The following SEC22C variants were observed in gnomAD, a reference collection of about 807,000 sequenced individuals.
SEC22C encodes vesicle-trafficking protein SEC22c.
Under a neutral mutation model 34.7 loss-of-function variants are expected in SEC22C, and 29 were observed. The observed-to-expected ratio is 0.84, with a 90% confidence interval of 0.62 to 1.14. The LOEUF is 1.14. SEC22C is among the 50% of genes most tolerant of loss of function. The pLI, the probability that SEC22C is intolerant of heterozygous loss-of-function variation, is 0.00. For synonymous variants in SEC22C, 117 were observed against 132.8 expected (o/e 0.88, Z 0.82); for missense variants, 337 against 369.0 (o/e 0.91, Z 0.71).
intron 1 of SEC22C, among the ~76,000 whole-genome samples, chr3:42,576,878 T>G (rs567774386): frequency 2.0e-5 from 3 of 152,152 alleles, no homozygotes; most frequent in African/African-American, 7.2e-5. Flanking sequence ...ACTTCAAGAC[T>G]TATTATATAG....
At chr3:42,557,900 T>C (rs1020577168) in intron 4 of SEC22C, among the ~76,000 whole-genome samples, 2 of 152,194 alleles carry the variant, frequency 1.3e-5, no homozygotes, top group Non-Finnish European at 2.9e-5. Flanking sequence ...GGTATTTGAG[T>C]AAAGTTTCTT....
At chr3:42,574,408 C>T (rs891376181) in intron 1 of SEC22C, among the ~76,000 whole-genome samples, 16 of 145,010 alleles carry the variant, frequency 1.1e-4, no homozygotes, top group African/African-American at 3.8e-4. Context: ...TTAAAGCATA[C>T]TTAGATGAAG....
Position 42,599,363 on chromosome 3 carries a change from A to G in SEC22C, c.-28+1597T>C, listed in dbSNP as rs541571371. ...CAAAAATCCAGAAACAGACCCACAC[A>G]TATATGGTCACAAGGCGAAGGTAAT... On this transcript the variant is annotated intron_variant, in intron 1 of 6. Transcript: ENST00000417572. Among the ~76,000 whole-genome samples, 62 of 152,044 alleles carry G rather than the reference A, an allele frequency of 4.1e-4. No homozygotes were observed. The East Asian group carries it at 0.011, about 27-fold the overall frequency.
At chr3:42,582,696 G>A (rs1704459040), upstream of SEC22C, among the ~76,000 whole-genome samples, 1 of 152,244 alleles carries the variant, frequency 6.6e-6, no homozygotes, top group African/African-American at 2.4e-5. Context: ...GGGAGGAGCA[G>A]GGGTTTTGGG....
At chr3:42,594,741 C>T in intron 1 of SEC22C, 1 of 360,818 alleles carries the variant, frequency 2.8e-6, no homozygotes, top group Non-Finnish European at 5.1e-6. Context: ...ATAAGTTGAG[C>T]CCAGGTGTCC....
At chr3:42,581,664 G>A (rs1469759462) in intron 1 of SEC22C, among the ~76,000 whole-genome samples, 182 bp downstream of exon 1, 2 of 152,262 alleles carry the variant, frequency 1.3e-5, no homozygotes, top group Admixed American at 1.3e-4. Context: ...ACGGGAGAAA[G>A]GGGACAGAGG....
At chr3:42,562,490 A>G (rs1702982923) in intron 3 of SEC22C, among the ~76,000 whole-genome samples, 1 of 152,218 alleles carries the variant, frequency 6.6e-6, no homozygotes, top group Non-Finnish European at 1.5e-5. Flanking sequence ...GGTGACACCA[A>G]AAGAGGGTGC....
rs771628543 is a variant in SEC22C at position 42,601,027 on chromosome 3, G to T, written c.-95C>A. 1.5e-5 allele frequency: 24 copies of T among 1,580,606 alleles called. No individual in the cohort carries two copies. The Admixed American group carries it at 2.2e-4, about 14-fold the overall frequency. ...TCGCGATGGGGGCGCAGGACCGGCC[G>T]CAGTGCCACTTCGACATCGAGATCA... On this transcript the variant is annotated 5_prime_UTR_variant, in exon 1 of 7. Transcript: ENST00000417572.
intron 6 of SEC22C, among the ~76,000 whole-genome samples, chr3:42,555,496 A>G (rs1162704070): frequency 2.0e-5 from 3 of 152,224 alleles, no homozygotes; most frequent in Non-Finnish European, 4.4e-5. Flanking sequence ...GCCTAGACCT[A>G]TATTTTAAAA....
chr3:42,566,330 T>C (rs1703237764), intron 2 of SEC22C, among the ~76,000 whole-genome samples: 1 of 152,172 alleles, frequency 6.6e-6, no homozygotes, highest in Admixed American at 6.5e-5. Flanking sequence ...GTTTTTATAA[T>C]TCTGAGACTG....
chr3:42,565,745 A>G, intron 2 of SEC22C: 1 of 361,712 alleles, frequency 2.8e-6, no homozygotes, highest in Non-Finnish European at 5.4e-6. Flanking sequence ...TCTTCCTTAA[A>G]GTTTGTAGAG....
Position 42,551,166 on chromosome 3 carries a change from T to C in SEC22C, c.*2082A>G, listed in dbSNP as rs1702238395. The C allele has an allele frequency of 2.0e-6, 2 of 985,374 alleles. No homozygotes were observed. The highest frequency in any genetic ancestry group is 9.4e-5 in the South Asian group (2 of 21,282). The allele number at this position is 985,374 out of a possible 1,614,324, so 61.0% of individuals were successfully genotyped here. A position where few individuals can be genotyped will look rare whatever the true frequency, so the allele number is the denominator to read the frequency against. Reference sequence around the variant, plus strand: ...TTTTAAAGCTTTTTTGTTCTTCTCATTTAAAACATTTTACCTCCCCTCCTT... The same window carrying C: ...TTTTAAAGCTTTTTTGTTCTTCTCACTTAAAACATTTTACCTCCCCTCCTT... On this transcript the variant is annotated 3_prime_UTR_variant, in exon 7 of 7. Coordinates refer to ENST00000264454, the MANE Select transcript of SEC22C (RefSeq NM_032970.4).
At chr3:42,574,490 T>C (rs1703841095) in intron 1 of SEC22C, among the ~76,000 whole-genome samples, 1 of 151,558 alleles carries the variant, frequency 6.6e-6, no homozygotes, top group Non-Finnish European at 1.5e-5. Context: ...TCCTGGAATA[T>C]CAGGAAGAAA....
intron 5 of SEC22C, among the ~76,000 whole-genome samples, chr3:42,556,690 T>C (rs986499033): frequency 6.6e-6 from 1 of 152,184 alleles, no homozygotes; most frequent in African/African-American, 2.4e-5. Flanking sequence ...TATTTGTTGA[T>C]GCTAATAATG....
At chr3:42,596,460 T>G (rs1433545083) in intron 1 of SEC22C, among the ~76,000 whole-genome samples, 1 of 152,240 alleles carries the variant, frequency 6.6e-6, no homozygotes, top group East Asian at 1.9e-4. Flanking sequence ...AATCATTACC[T>G]GAAAATTCGT....
Position 42,552,856 on chromosome 3 carries a change from T to A in SEC22C, c.*392A>T. 9.8e-7 allele frequency: 1 copy of A among 1,025,114 alleles called. No homozygotes were observed. The highest frequency in any genetic ancestry group is 1.2e-6 in the Non-Finnish European group (1 of 855,596). The allele number at this position is 1,025,114 out of a possible 1,614,324, so 63.5% of individuals were successfully genotyped here. A position where few individuals can be genotyped will look rare whatever the true frequency, so the allele number is the denominator to read the frequency against. On this transcript the variant is annotated 3_prime_UTR_variant, in exon 7 of 7. Coordinates refer to ENST00000264454, the MANE Select transcript of SEC22C (RefSeq NM_032970.4). ...GTTTAGACTGAAAGCTGATTTGGAT[T>A]TTAAAGTGGTTCCTTGGAGACAACT...
At chr3:42,557,282 TC>T (rs1559512501) in intron 5 of SEC22C, among the ~76,000 whole-genome samples, 1 of 152,124 alleles carries the variant, frequency 6.6e-6, no homozygotes, top group Non-Finnish European at 1.5e-5. Flanking sequence ...AATAATCCAG[TC>T]CCTGGAGTGA....
intron 1 of SEC22C, among the ~76,000 whole-genome samples, chr3:42,578,809 C>T (rs113371718): frequency 5.9e-5 from 9 of 152,262 alleles, no homozygotes; most frequent in Middle Eastern, 3.4e-3. Flanking sequence ...TAAATATCCC[C>T]ACCAATATCT....
At chr3:42,567,618 T>C (rs761273056) in intron 2 of SEC22C, among the ~76,000 whole-genome samples, 4 of 152,236 alleles carry the variant, frequency 2.6e-5, no homozygotes, top group Non-Finnish European at 5.9e-5. Flanking sequence ...TAACCAGGAT[T>C]ATTGTAATCA....
Sources: gnomAD v4.1 joint callset for allele counts (sites outside exome capture counted in the v4.1 genomes callset) on GRCh38, gnomAD v4.1.1 for gene constraint, MANE v1.5 for transcripts, NCBI Gene and HGNC (gene_info 2026-07-23, HGNC 2026-07-21) for gene names.